SHISA9: variants seen among roughly 807,000 people sequenced by gnomAD.
The protein encoded by SHISA9 is shisa family member 9.
SHISA9 carries 13 observed loss-of-function variants against 38.0 expected under a neutral mutation model. That is an observed-to-expected ratio of 0.34 (90% CI 0.22 to 0.54). The LOEUF (loss-of-function observed/expected upper bound fraction) is 0.54, where lower values mean the gene tolerates loss of function less well. Ranked by LOEUF, SHISA9 falls within the 20% of genes least tolerant of loss-of-function variation. The pLI, the probability that SHISA9 is intolerant of heterozygous loss-of-function variation, is 0.91. For missense variants in SHISA9, 538 were observed against 575.8 expected (o/e 0.93, Z 0.67); for synonymous variants, 275 against 242.0 (o/e 1.14, Z -1.27).
intron 2 of SHISA9, among the ~76,000 whole-genome samples, chr16:12,989,341 C>T (rs2141830789): frequency 6.6e-6 from 1 of 151,924 alleles, no homozygotes. Flanking sequence ...CCCTGCCTGG[C>T]TAATTTTTGT....
intron 2 of SHISA9, among the ~76,000 whole-genome samples, chr16:13,173,875 G>C (rs529764632): frequency 9.2e-5 from 14 of 152,310 alleles, no homozygotes; most frequent in African/African-American, 3.4e-4. Flanking sequence ...TGGAGGTTCA[G>C]GGAGGGCTTC....
chr16:12,947,930 C>A (rs147073785), intron 2 of SHISA9, among the ~76,000 whole-genome samples: 3 of 152,148 alleles, frequency 2.0e-5, no homozygotes, highest in Admixed American at 6.5e-5. Flanking sequence ...CCACCTGAAT[C>A]GACAGGGTTT....
the SHISA9 span, among the ~76,000 whole-genome samples, chr16:13,516,661 A>T: frequency 6.6e-5 from 10 of 152,014 alleles, no homozygotes; most frequent in African/African-American, 2.4e-4. Flanking sequence ...TTAGCTGGGC[A>T]TGGTGGCAGG....
intron 2 of SHISA9, among the ~76,000 whole-genome samples, chr16:13,041,480 C>T (rs1183897845): frequency 1.3e-5 from 2 of 152,340 alleles, no homozygotes; most frequent in Admixed American, 6.5e-5. Flanking sequence ...GTTGGAGCCA[C>T]GTATCCCCTG....
At chr16:13,072,686 A>T (rs1445289328) in intron 2 of SHISA9, among the ~76,000 whole-genome samples, 2 of 148,638 alleles carry the variant, frequency 1.3e-5, no homozygotes, top group Non-Finnish European at 3.0e-5. Flanking sequence ...TTTGAGACGG[A>T]GTCTTGCTCT....
At chr16:13,414,646 CTTTCT>C in the SHISA9 span, among the ~76,000 whole-genome samples, 1 of 136,612 alleles carries the variant, frequency 7.3e-6, no homozygotes, top group African/African-American at 2.7e-5. Flanking sequence ...TTCTTTCTTT[CTTTCT>C]TTTTTTTTTT....
the SHISA9 span, among the ~76,000 whole-genome samples, chr16:13,300,274 T>TGTA: frequency 6.6e-6 from 1 of 152,136 alleles, no homozygotes; most frequent in Admixed American, 6.5e-5. Context: ...CTGAGTGGGA[T>TGTA]ACTATGATGT....
chr16:13,409,147 G>C, the SHISA9 span, among the ~76,000 whole-genome samples: 1 of 152,040 alleles, frequency 6.6e-6, no homozygotes, highest in Non-Finnish European at 1.5e-5. Context: ...GAGGAGTTTG[G>C]CTGGGGGTAG....
chr16:13,138,453 G>T (rs534971072), intron 2 of SHISA9, among the ~76,000 whole-genome samples: 119 of 152,194 alleles, frequency 7.8e-4, no homozygotes, highest in Admixed American at 3.3e-3. Flanking sequence ...TTGATAACAG[G>T]GGCGGCATCT....
intron 2 of SHISA9, among the ~76,000 whole-genome samples, chr16:13,003,860 A>G (rs1259647607): frequency 8.4e-6 from 1 of 118,422 alleles, no homozygotes; most frequent in Non-Finnish European, 1.7e-5. Flanking sequence ...TCCGTCTCAA[A>G]ATAATAATAA....
chr16:13,344,711 G>T, the SHISA9 span, among the ~76,000 whole-genome samples: 1 of 152,098 alleles, frequency 6.6e-6, no homozygotes, highest in South Asian at 2.1e-4. Flanking sequence ...GCTATTATTG[G>T]TCTCATTTTA....
chr16:12,918,238 G>A (rs1301003008), intron 2 of SHISA9, among the ~76,000 whole-genome samples: 1 of 152,150 alleles, frequency 6.6e-6, no homozygotes, highest in Non-Finnish European at 1.5e-5. Flanking sequence ...GGCAGTTGCT[G>A]TGTCCGATTC....
intron 2 of SHISA9, among the ~76,000 whole-genome samples, chr16:12,941,153 A>G (rs551720924): frequency 7.9e-5 from 12 of 152,206 alleles, no homozygotes; most frequent in African/African-American, 2.9e-4. Context: ...GGAGTTAGAG[A>G]CCAGCCTGGC....
chr16:13,177,696 G>A (rs2050743479), intron 2 of SHISA9, among the ~76,000 whole-genome samples: 2 of 152,032 alleles, frequency 1.3e-5, no homozygotes, highest in South Asian at 4.1e-4. Flanking sequence ...TTGAGACAGA[G>A]TCTTACTCTG....
the SHISA9 span, among the ~76,000 whole-genome samples, chr16:13,390,269 A>G: frequency 6.6e-6 from 1 of 152,190 alleles, no homozygotes; most frequent in Non-Finnish European, 1.5e-5. Flanking sequence ...AAGTCACGCC[A>G]GAACCAAACC....
intron 1 of SHISA9, among the ~76,000 whole-genome samples, chr16:12,914,808 G>T (rs1481735330): frequency 2.0e-5 from 3 of 152,128 alleles, no homozygotes; most frequent in Admixed American, 6.5e-5. Flanking sequence ...CAGGTTGCTG[G>T]GTGAACTCCA....
At chr16:12,909,252 C>T (rs536659016) in intron 1 of SHISA9, 22 of 984,220 alleles carry the variant, frequency 2.2e-5, no homozygotes, top group East Asian at 2.3e-4. Flanking sequence ...AAAATGCACA[C>T]ATTGTAAGTG....
chr16:12,903,127 C>G (rs2071043351), intron 1 of SHISA9: 2 of 154,886 alleles, frequency 1.3e-5, no homozygotes, highest in African/African-American at 4.8e-5. Flanking sequence ...TCGTACGACT[C>G]GCGAAAAGGA....
intron 2 of SHISA9, among the ~76,000 whole-genome samples, chr16:12,976,207 C>T (rs1450292654): frequency 6.6e-6 from 1 of 152,170 alleles, no homozygotes; most frequent in Non-Finnish European, 1.5e-5. Flanking sequence ...TGTGCCTCAG[C>T]CTCCCGACTA....
Sources: allele counts gnomAD v4.1 joint callset (sites outside exome capture counted in the v4.1 genomes callset), GRCh38; gene constraint gnomAD v4.1.1; transcripts MANE v1.5; gene names NCBI Gene and HGNC (gene_info 2026-07-23, HGNC 2026-07-21).